Variants in CDK15 observed in about 807,000 individuals in gnomAD.
The protein encoded by CDK15 is cyclin-dependent kinase 15.
CDK15 carries 62 observed loss-of-function variants against 60.3 expected under a neutral mutation model. The ratio of observed to expected loss-of-function variants is 1.03; its 90% CI spans 0.84 to 1.27. The LOEUF (loss-of-function observed/expected upper bound fraction) is 1.27. Among genes scored for constraint, CDK15 ranks in the 50% most tolerant of loss-of-function variants. The probability of loss-of-function intolerance (pLI) is 0.00; values close to 1 mark genes in which losing one functional copy is unlikely to be tolerated. For missense variants in CDK15, 541 were observed against 527.8 expected, an observed-to-expected ratio of 1.03 and a Z score of -0.25; for synonymous variants, 194 against 195.7, an observed-to-expected ratio of 0.99 and a Z score of 0.07.
chr2:201,861,565 C>CTTTTG, intron 10 of CDK15: 1 of 729,316 alleles, frequency 1.4e-6, no homozygotes, highest in Non-Finnish European at 1.6e-6. Flanking sequence ...TTTTTTTTTT[C>CTTTTG]TTTTTTTTTT....
At chr2:201,818,885 A>G (rs1696098262) in intron 4 of CDK15, among the ~76,000 whole-genome samples, 1 of 152,226 alleles carries the variant, frequency 6.6e-6, no homozygotes, top group Admixed American at 6.5e-5. Context: ...TTAGGTAATT[A>G]GTGACCACTA....
intron 8 of CDK15, among the ~76,000 whole-genome samples, chr2:201,836,073 T>TTTATATTTATATTTATATATA (rs1697038889): frequency 9.4e-6 from 1 of 106,684 alleles, no homozygotes; most frequent in Non-Finnish European, 1.7e-5. Context: ...TATATTTATA[T>TTTATATTTATATTTATATATA]TTATATATAT....
intron 8 of CDK15, among the ~76,000 whole-genome samples, chr2:201,837,798 C>G (rs1304969801): frequency 6.6e-6 from 1 of 152,016 alleles, no homozygotes; most frequent in Non-Finnish European, 1.5e-5. Flanking sequence ...ACACAAAGCC[C>G]CATTTTCAAA....
intron 3 of CDK15, 139 bp from the exon 4 acceptor site, chr2:201,812,344 T>C (rs982664946): frequency 7.3e-6 from 4 of 549,132 alleles, no homozygotes; most frequent in Non-Finnish European, 1.3e-5. Context: ...CATGTTAAAC[T>C]TTTTATTTTG....
chr2:201,861,279 C>T (rs1574914107), intron 10 of CDK15: 2 of 994,756 alleles, frequency 2.0e-6, no homozygotes, highest in Non-Finnish European at 2.4e-6. Context: ...CCTATTACTG[C>T]CTGCCAAGAT....
intron 10 of CDK15, among the ~76,000 whole-genome samples, chr2:201,857,291 TA>T (rs1184970306): frequency 6.8e-6 from 1 of 146,494 alleles, no homozygotes; most frequent in Non-Finnish European, 1.5e-5. Context: ...TGTTACATTT[TA>T]AAAAATTTTC....
chr2:201,817,184 T>G (rs1281367340), intron 4 of CDK15, among the ~76,000 whole-genome samples: 1 of 152,212 alleles, frequency 6.6e-6, no homozygotes, highest in Non-Finnish European at 1.5e-5. Context: ...CTGCCCTGCC[T>G]CACTTTGAGA....
chr2:201,838,233 T>C (rs1455457218), intron 8 of CDK15, among the ~76,000 whole-genome samples: 3 of 151,958 alleles, frequency 2.0e-5, no homozygotes, highest in African/African-American at 7.3e-5. Context: ...CTGGAAACAT[T>C]TTTTGTTTTC....
At chr2:201,855,302 A>G (rs1412857769) in intron 10 of CDK15, among the ~76,000 whole-genome samples, 3 of 152,320 alleles carry the variant, frequency 2.0e-5, no homozygotes, top group Admixed American at 2.0e-4. Context: ...ATTGAATTGC[A>G]TATGTATAAA....
At chr2:201,871,778 G>A (rs955975745) in intron 10 of CDK15, among the ~76,000 whole-genome samples, 2 of 152,046 alleles carry the variant, frequency 1.3e-5, no homozygotes, top group Non-Finnish European at 2.9e-5. Context: ...TGAAATTGAG[G>A]TGTTGGCAGA....
chr2:201,890,133 G>T (rs1406806806), intron 12 of CDK15, among the ~76,000 whole-genome samples: 1 of 151,520 alleles, frequency 6.6e-6, no homozygotes, highest in Non-Finnish European at 1.5e-5. Context: ...AGCCCAACGT[G>T]ATGCTCATTG....
chr2:201,875,519 G>T (rs536356832), intron 11 of CDK15, among the ~76,000 whole-genome samples: 2 of 152,074 alleles, frequency 1.3e-5, no homozygotes, highest in African/African-American at 4.8e-5. Context: ...TTGTTACAGC[G>T]TGATTTTAAT....
intron 7 of CDK15, among the ~76,000 whole-genome samples, chr2:201,835,198 A>G (rs1291965823): frequency 6.6e-6 from 1 of 152,202 alleles, no homozygotes; most frequent in Non-Finnish European, 1.5e-5. Context: ...CAGGCAGAGC[A>G]TGTATGGTGG....
At chr2:201,832,337 C>T (rs373974546) in intron 6 of CDK15, among the ~76,000 whole-genome samples, 4 of 152,178 alleles carry the variant, frequency 2.6e-5, no homozygotes, top group African/African-American at 9.7e-5. Flanking sequence ...TGGGCCACTG[C>T]GCCAGTCTGA....
chr2:201,836,189 T>A (rs10931975), intron 8 of CDK15, among the ~76,000 whole-genome samples: 10 of 65,854 alleles, frequency 1.5e-4, no homozygotes, highest in South Asian at 1.3e-3. Flanking sequence ...ATATATATTT[T>A]TTTATATATA....
At chr2:201,843,235 G>A (rs771317510) in intron 8 of CDK15, among the ~76,000 whole-genome samples, 9 of 152,074 alleles carry the variant, frequency 5.9e-5, no homozygotes, top group Non-Finnish European at 1.0e-4. Flanking sequence ...CGCCCAGGCT[G>A]GAGTGCAGTG....
chr2:201,818,999 T>G (rs1465277993), intron 4 of CDK15, among the ~76,000 whole-genome samples: 1 of 152,082 alleles, frequency 6.6e-6, no homozygotes, highest in Non-Finnish European at 1.5e-5. Context: ...GTGCCCACTC[T>G]CAATGGAGTT....
At chr2:201,858,902 C>T (rs1490122043) in intron 10 of CDK15, among the ~76,000 whole-genome samples, 2 of 152,128 alleles carry the variant, frequency 1.3e-5, no homozygotes, top group South Asian at 2.1e-4. Flanking sequence ...CCCCCCAAAA[C>T]GCTCCTCCTT....
At chr2:201,880,647 G>T (rs80203070) in intron 12 of CDK15, among the ~76,000 whole-genome samples, 2 of 152,212 alleles carry the variant, frequency 1.3e-5, no homozygotes, top group East Asian at 3.8e-4. Context: ...GCCGGGGTGG[G>T]GTGCTGGGGG....
Sources: gnomAD v4.1 joint callset for allele counts (sites outside exome capture counted in the v4.1 genomes callset) on GRCh38, gnomAD v4.1.1 for gene constraint, MANE v1.5 for transcripts, NCBI Gene and HGNC (gene_info 2026-07-23, HGNC 2026-07-21) for gene names.